The following DAB1 variants were observed in gnomAD, a reference collection of about 807,000 sequenced individuals.
DAB1 encodes DAB adaptor protein 1.
DAB1 carries 15 observed loss-of-function variants against 64.6 expected under a neutral mutation model. The observed-to-expected ratio is 0.23, with a 90% CI of 0.16 to 0.36. The LOEUF is 0.36. Among genes scored for constraint, DAB1 ranks in the 10% least tolerant of loss-of-function variants. DAB1 has a pLI of 1.00. For synonymous variants in DAB1, 235 were observed against 251.9 expected (o/e 0.93, Z 0.64); for missense variants, 596 against 706.7 (o/e 0.84, Z 1.78).
At chr1:58,378,872 T>C (rs1433287111) in intron 3 of DAB1, among the ~76,000 whole-genome samples, 5 of 80,790 alleles carry the variant, frequency 6.2e-5, no homozygotes, top group Admixed American at 9.3e-5. Flanking sequence ...GTGTGGGATA[T>C]AGTCTCGTGG....
At chr1:57,782,587 C>A (rs1569668220) in intron 6 of DAB1, among the ~76,000 whole-genome samples, 1 of 152,274 alleles carries the variant, frequency 6.6e-6, no homozygotes, top group East Asian at 1.9e-4. Flanking sequence ...TCTTCTAGAA[C>A]CTGCTGTCTC....
Position 57,583,356 on chromosome 1 carries a change from A to G in DAB1, n.625+66236T>C, listed in dbSNP as rs1460229078. On this transcript the variant is annotated intron_variant and non_coding_transcript_variant, in intron 7 of 20. Coordinates refer to the DAB1 transcript ENST00000485760. ...GGCTGGAGTGCAGTGGTGCGATCTC[A>G]GCTCACTGACACCTCTGCCTCCCAG... Among the ~76,000 whole-genome samples the G allele has an allele frequency of 4.1e-5, 6 of 145,794 alleles. No individual in the cohort carries two copies. The South Asian group carries it at 1.1e-3, about 26-fold the overall frequency.
chr1:57,751,834 T>TAATAAATAAATAAATAAATA lies in DAB1; in HGVS notation n.552-102189_552-102170dup, dbSNP rs58928224. 3.2e-3 allele frequency among the ~76,000 whole-genome samples: 481 copies of TAATAAATAAATAAATAAATA among 150,900 alleles called. 2 individuals carry two copies. Among genetic ancestry groups the TAATAAATAAATAAATAAATA allele is most frequent in the African/African-American group, 8.0e-3 (326 of 40,868 alleles). Reference sequence around the variant, plus strand: ...CTCCTCTCCATTTCTATTCTTTACTTAATAAATAAATAAATAAATAAATAA... The same window carrying TAATAAATAAATAAATAAATA: ...CTCCTCTCCATTTCTATTCTTTACTTAATAAATAAATAAATAAATAAATAAATAAATAAATAAATAAATAA... On this transcript the variant is annotated intron_variant and non_coding_transcript_variant, in intron 6 of 20. Transcript: ENST00000485760.
intron 5 of DAB1, among the ~76,000 whole-genome samples, chr1:58,085,613 C>G (rs1033434297): frequency 6.6e-6 from 1 of 152,042 alleles, no homozygotes; most frequent in Non-Finnish European, 1.5e-5. Context: ...AGCAATCCCC[C>G]CATCTCAGCC....
At chr1:57,521,739 T>G (rs1218979321) in intron 7 of DAB1, among the ~76,000 whole-genome samples, 1 of 151,980 alleles carries the variant, frequency 6.6e-6, no homozygotes, top group Non-Finnish European at 1.5e-5. Flanking sequence ...TATCAAATAT[T>G]TGGAAGATGA....
intron 7 of DAB1, among the ~76,000 whole-genome samples, chr1:57,539,416 C>T (rs773979531): frequency 1.3e-5 from 2 of 152,140 alleles, no homozygotes; most frequent in African/African-American, 2.4e-5. Flanking sequence ...AGACTATTTC[C>T]TGCTACCATT....
At chr1:57,662,117 T>A (rs930525677) in intron 6 of DAB1, among the ~76,000 whole-genome samples, 1 of 152,206 alleles carries the variant, frequency 6.6e-6, no homozygotes, top group African/African-American at 2.4e-5. Flanking sequence ...CTTCCTCCAC[T>A]TTTTTTGGGT....
chr1:58,196,354 A>G (rs1657676295), intron 4 of DAB1, among the ~76,000 whole-genome samples: 1 of 152,226 alleles, frequency 6.6e-6, no homozygotes, highest in South Asian at 2.1e-4. Flanking sequence ...TCTGCCTGTC[A>G]TACTATATAA....
At chr1:58,338,531 T>A (rs553770301) in intron 4 of DAB1, among the ~76,000 whole-genome samples, 1 of 152,328 alleles carries the variant, frequency 6.6e-6, no homozygotes, top group Admixed American at 6.5e-5. Flanking sequence ...AATTTAAGAG[T>A]CTTGAACATT....
chr1:58,437,280 C>G (rs1334004220), intron 3 of DAB1, among the ~76,000 whole-genome samples: 1 of 152,116 alleles, frequency 6.6e-6, no homozygotes, highest in Admixed American at 6.5e-5. Flanking sequence ...TATCCTGCCC[C>G]CAGTGGGTAT....
At chr1:57,451,871 G>A (rs988819807) in intron 7 of DAB1, among the ~76,000 whole-genome samples, 1 of 152,162 alleles carries the variant, frequency 6.6e-6, no homozygotes, top group Non-Finnish European at 1.5e-5. Flanking sequence ...CTCATCATGT[G>A]CTGGAAGATC....
intron 6 of DAB1, among the ~76,000 whole-genome samples, chr1:57,743,574 C>T (rs1172619745): frequency 1.3e-5 from 2 of 152,190 alleles, no homozygotes; most frequent in Non-Finnish European, 2.9e-5. Context: ...GTACCTTGAC[C>T]GAGGTCATCC....
chr1:57,744,266 C>T (rs1030283929), intron 6 of DAB1, among the ~76,000 whole-genome samples: 2 of 152,056 alleles, frequency 1.3e-5, no homozygotes, highest in Non-Finnish European at 2.9e-5. Context: ...GCAGGTTTAG[C>T]CTAAAGATAC....
chr1:58,006,875 C>T (rs1384126485), intron 5 of DAB1, among the ~76,000 whole-genome samples: 1 of 152,210 alleles, frequency 6.6e-6, no homozygotes, highest in Non-Finnish European at 1.5e-5. Context: ...TATGCAAATG[C>T]TACACAAATT....
At chr1:57,661,499 C>A (rs4420112) in intron 6 of DAB1, among the ~76,000 whole-genome samples, 117,906 of 152,086 alleles carry the variant, frequency 0.78, 46,254 homozygotes, top group Non-Finnish European at 0.84. Flanking sequence ...TGATTTCACC[C>A]AAGGGGTCTT....
chr1:57,597,380 C>T (rs1480656432), intron 7 of DAB1, among the ~76,000 whole-genome samples: 3 of 152,226 alleles, frequency 2.0e-5, no homozygotes, highest in Non-Finnish European at 4.4e-5. Context: ...AAATTCCCTT[C>T]CTAGCTGTGT....
At chr1:57,104,097 G>A (rs1007734169) in intron 4 of DAB1, among the ~76,000 whole-genome samples, 1 of 152,170 alleles carries the variant, frequency 6.6e-6, no homozygotes, top group African/African-American at 2.4e-5. Flanking sequence ...AGAACATCCT[G>A]AATACACATT....
chr1:57,248,512 A>G (rs1669067514), intron 2 of DAB1, among the ~76,000 whole-genome samples: 1 of 152,190 alleles, frequency 6.6e-6, no homozygotes. Flanking sequence ...TTAAAAACCA[A>G]ACAAACATAT....
At chr1:57,772,849 T>G (rs1446924959) in intron 6 of DAB1, among the ~76,000 whole-genome samples, 1 of 152,060 alleles carries the variant, frequency 6.6e-6, no homozygotes, top group Non-Finnish European at 1.5e-5. Context: ...GGAAATAGCA[T>G]TTTTACAGAT....
Sources: gnomAD v4.1 joint callset for allele counts (sites outside exome capture counted in the v4.1 genomes callset) on GRCh38, gnomAD v4.1.1 for gene constraint, MANE v1.5 for transcripts, NCBI Gene and HGNC (gene_info 2026-07-23, HGNC 2026-07-21) for gene names.